Variants in LHFPL3 observed in about 807,000 individuals in gnomAD.
LHFPL3 encodes LHFPL tetraspan subfamily member 3 protein.
A neutral mutation model predicts 19.3 loss-of-function variants in LHFPL3; 5 were observed. The ratio of observed to expected loss-of-function variants is 0.26; its 90% confidence interval spans 0.14 to 0.54. LHFPL3 has a LOEUF of 0.54. Among genes scored for constraint, LHFPL3 ranks in the 20% least tolerant of loss-of-function variants. The pLI is 0.94. For missense variants in LHFPL3, 249 were observed against 307.4 expected (o/e 0.81, Z 1.42); for synonymous variants, 133 against 126.2 (o/e 1.05, Z -0.36).
At chr7:104,595,172 T>C (rs958459484) in intron 1 of LHFPL3, among the ~76,000 whole-genome samples, 7 of 152,352 alleles carry the variant, frequency 4.6e-5, no homozygotes, top group South Asian at 4.1e-4. Context: ...CCCATCTTTG[T>C]GGTTATATCT....
At chr7:104,614,961 C>G (rs1791304354) in intron 1 of LHFPL3, among the ~76,000 whole-genome samples, 1 of 151,782 alleles carries the variant, frequency 6.6e-6, no homozygotes, top group African/African-American at 2.4e-5. Flanking sequence ...CACTGTGTTG[C>G]TCAGAATGGT....
chr7:104,393,441 G>T (rs1791118759), intron 1 of LHFPL3, among the ~76,000 whole-genome samples: 1 of 152,118 alleles, frequency 6.6e-6, no homozygotes, highest in South Asian at 2.1e-4. Context: ...TGTCAGGCTG[G>T]GCATGGTGGC....
intron 1 of LHFPL3, among the ~76,000 whole-genome samples, chr7:104,355,683 G>T (rs1439029426): frequency 6.6e-6 from 1 of 152,172 alleles, no homozygotes. Context: ...ACAAATAGTT[G>T]GTTGCCCTCC....
intron 2 of LHFPL3, among the ~76,000 whole-genome samples, chr7:104,745,390 C>T (rs1057241251): frequency 7.9e-5 from 12 of 152,224 alleles, no homozygotes; most frequent in Non-Finnish European, 8.8e-5. Context: ...AGGAATTTTA[C>T]ATGAGAAAAA....
chr7:104,863,245 T>A (rs545760188), intron 2 of LHFPL3, among the ~76,000 whole-genome samples: 1 of 152,300 alleles, frequency 6.6e-6, no homozygotes, highest in Middle Eastern at 3.4e-3. Flanking sequence ...GATGCAAAAA[T>A]GATGGGTAGG....
intron 2 of LHFPL3, among the ~76,000 whole-genome samples, chr7:104,782,845 A>G (rs1789840248): frequency 6.6e-6 from 1 of 152,224 alleles, no homozygotes; most frequent in Admixed American, 6.5e-5. Flanking sequence ...CCATGCTTTC[A>G]CTTATCTCCA....
intron 1 of LHFPL3, among the ~76,000 whole-genome samples, chr7:104,458,150 T>A (rs1045378696): frequency 6.6e-6 from 1 of 151,822 alleles, no homozygotes; most frequent in Non-Finnish European, 1.5e-5. Context: ...TTGTCTTTTG[T>A]TGCCATTGCT....
At chr7:104,363,183 C>T (rs1408515767) in intron 1 of LHFPL3, among the ~76,000 whole-genome samples, 6 of 152,154 alleles carry the variant, frequency 3.9e-5, no homozygotes, top group Admixed American at 2.6e-4. Context: ...GATTAGATTC[C>T]TCCCAAAGTT....
At chr7:104,592,648 T>G (rs376680425) in intron 1 of LHFPL3, among the ~76,000 whole-genome samples, 41 of 152,310 alleles carry the variant, frequency 2.7e-4, no homozygotes, top group African/African-American at 8.9e-4. Context: ...CAGGGACGTT[T>G]AAGTCTGCAG....
At chr7:104,370,828 G>A (rs1362451109) in intron 1 of LHFPL3, among the ~76,000 whole-genome samples, 1 of 152,212 alleles carries the variant, frequency 6.6e-6, no homozygotes, top group Non-Finnish European at 1.5e-5. Flanking sequence ...GTTGCAGTGA[G>A]CTGAGATGGC....
intron 1 of LHFPL3, among the ~76,000 whole-genome samples, chr7:104,632,874 C>G (rs1285073136): frequency 6.6e-6 from 1 of 152,184 alleles, no homozygotes; most frequent in Admixed American, 6.5e-5. Context: ...AGGCTGGTCT[C>G]AAACTCCTGG....
chr7:104,555,230 T>G (rs564223727), intron 1 of LHFPL3, among the ~76,000 whole-genome samples: 1 of 152,270 alleles, frequency 6.6e-6, no homozygotes, highest in South Asian at 2.1e-4. Context: ...ATAAGGTGAT[T>G]AACCATCACA....
rs1301641687 is a variant in LHFPL3 at position 104,897,618 on chromosome 7, T to C, written c.683-8569T>C. Among the ~76,000 whole-genome samples the C allele has an allele frequency of 2.0e-5, 3 of 152,302 alleles. No individual in the cohort carries two copies. In the East Asian group the frequency reaches 5.8e-4, roughly 29 times the overall value. On this transcript the variant is annotated intron_variant, in intron 2 of 2. Coordinates refer to ENST00000424859, the MANE Select transcript of LHFPL3 (RefSeq NM_199000.3). ...TTTAAAGAGCTGTACCTTACCACAA[T>C]ATCACTGAAACTTACAGAGTATTTA...
Position 104,823,503 on chromosome 7 carries a change from G to C in LHFPL3, c.683-82684G>C, listed in dbSNP as rs540881610. On this transcript the variant is annotated intron_variant, in intron 2 of 2. Coordinates refer to ENST00000424859, the MANE Select transcript of LHFPL3 (RefSeq NM_199000.3). ...AAGCAGTTTGGGGTTTCTCCATTCA[G>C]AGCTTAATTTCCTTTTCTATGACGT... 2.0e-5 allele frequency among the ~76,000 whole-genome samples: 3 copies of C among 152,162 alleles called. No homozygotes were observed. In the East Asian group the frequency reaches 5.8e-4, roughly 29 times the overall value.
intron 1 of LHFPL3, among the ~76,000 whole-genome samples, chr7:104,613,856 C>T (rs1446179902): frequency 6.6e-6 from 1 of 152,146 alleles, no homozygotes; most frequent in Non-Finnish European, 1.5e-5. Flanking sequence ...AGTATTTAAG[C>T]ACTGGGTGAG....
rs1791636075 is a variant in LHFPL3, at chr7:104,631,287, C to T, written c.446-105388C>T. Among the ~76,000 whole-genome samples the T allele has an allele frequency of 2.9e-4, 7 of 24,292 alleles. No homozygotes were observed. In the Admixed American group the frequency reaches 4.6e-3, roughly 16 times the overall value. The allele number at this position is 24,292 out of a possible 152,430, so 15.9% of individuals were successfully genotyped here. The stretch of plus-strand genomic sequence containing the variant: ...CATTTCCTAAAAGTTTACCAATGTC[C>T]TCTTTCATTTTCAGTGTAAAACCAT... On this transcript the variant is annotated intron_variant, in intron 1 of 2. Coordinates refer to ENST00000424859, the MANE Select transcript of LHFPL3 (RefSeq NM_199000.3).
intron 1 of LHFPL3, among the ~76,000 whole-genome samples, chr7:104,334,605 C>T (rs1339109195): frequency 6.6e-6 from 1 of 152,156 alleles, no homozygotes; most frequent in East Asian, 1.9e-4. Context: ...ACTTTGAAAG[C>T]CGTGATACTC....
At chr7:104,879,527 C>G (rs1792008332) in intron 2 of LHFPL3, among the ~76,000 whole-genome samples, 1 of 152,070 alleles carries the variant, frequency 6.6e-6, no homozygotes, top group Non-Finnish European at 1.5e-5. Flanking sequence ...CGAGACCAGC[C>G]TAGGCAATGT....
At chr7:104,601,255 G>T (rs1414352878) in intron 1 of LHFPL3, among the ~76,000 whole-genome samples, 2 of 152,046 alleles carry the variant, frequency 1.3e-5, no homozygotes, top group Non-Finnish European at 2.9e-5. Context: ...AGAGATGATA[G>T]TTTAAATTAG....
Sources: allele counts gnomAD v4.1 joint callset (sites outside exome capture counted in the v4.1 genomes callset), GRCh38; gene constraint gnomAD v4.1.1; transcripts MANE v1.5; gene names NCBI Gene and HGNC (gene_info 2026-07-23, HGNC 2026-07-21).